Variants in FTO observed in about 807,000 individuals in gnomAD.
The protein encoded by FTO is FTO alpha-ketoglutarate dependent dioxygenase, also known as alpha-ketoglutarate-dependent dioxygenase FTO.
In FTO, 47 loss-of-function variants were observed where a neutral mutation model predicts 63.9. That is an observed-to-expected ratio of 0.74 (90% confidence interval 0.58 to 0.94). The LOEUF is 0.94. FTO is among the 40% of genes least tolerant of loss of function. The probability of loss-of-function intolerance (pLI) is 0.00; values close to 1 mark genes in which losing one functional copy is unlikely to be tolerated. For synonymous variants in FTO, 207 were observed against 224.4 expected, an observed-to-expected ratio of 0.92 and a Z score of 0.69; for missense variants, 562 against 618.1, an observed-to-expected ratio of 0.91 and a Z score of 0.96.
At chr16:53,834,729 T>C (rs1012959579) in intron 3 of FTO, among the ~76,000 whole-genome samples, 1 of 152,238 alleles carries the variant, frequency 6.6e-6, no homozygotes, top group African/African-American at 2.4e-5. Flanking sequence ...TTACACCTTT[T>C]CTTCCCATTT....
intron 4 of FTO, among the ~76,000 whole-genome samples, chr16:53,845,607 G>A (rs2079596648): frequency 6.6e-6 from 1 of 152,128 alleles, no homozygotes; most frequent in South Asian, 2.1e-4. Flanking sequence ...TATCTTAAAT[G>A]GGAATCCAGT....
intron 1 of FTO, among the ~76,000 whole-genome samples, chr16:53,743,133 C>T (rs977073426): frequency 3.9e-5 from 6 of 152,166 alleles, no homozygotes; most frequent in Admixed American, 1.3e-4. Flanking sequence ...CTTGAATTTT[C>T]GTTAGCCTAA....
intron 3 of FTO, among the ~76,000 whole-genome samples, chr16:53,833,435 T>C (rs942733080): frequency 6.6e-6 from 1 of 152,246 alleles, no homozygotes; most frequent in African/African-American, 2.4e-5. Context: ...ATTTTGTTGA[T>C]TGATTCATCC....
chr16:54,074,913 AGAGAGTGTGTGTGTGT>A (rs71146724), intron 8 of FTO, among the ~76,000 whole-genome samples: 149 of 125,160 alleles, frequency 1.2e-3, no homozygotes, highest in Non-Finnish European at 1.6e-3. Flanking sequence ...AGAGAGAGAG[AGAGAGTGTGTGTGTGT>A]GTGTGTGTGT....
chr16:54,100,226 C>G (rs1408125716), intron 8 of FTO, among the ~76,000 whole-genome samples: 1 of 152,166 alleles, frequency 6.6e-6, no homozygotes, highest in African/African-American at 2.4e-5. Flanking sequence ...TGACCCTATC[C>G]CTTGTTTGGC....
chr16:53,809,706 C>T (rs1238580578), intron 1 of FTO, among the ~76,000 whole-genome samples: 3 of 152,034 alleles, frequency 2.0e-5, no homozygotes, highest in Non-Finnish European at 2.9e-5. Flanking sequence ...CTGTAGGAGG[C>T]CAAGGTGGGA....
chr16:54,084,297 T>A (rs1280935145), intron 8 of FTO, among the ~76,000 whole-genome samples: 1 of 152,236 alleles, frequency 6.6e-6, no homozygotes, highest in African/African-American at 2.4e-5. Flanking sequence ...TGACAAATGT[T>A]ACTCCCCTTC....
intron 2 of FTO, among the ~76,000 whole-genome samples, chr16:53,824,073 T>A (rs1443232088): frequency 6.6e-6 from 1 of 152,230 alleles, no homozygotes; most frequent in African/African-American, 2.4e-5. Flanking sequence ...CGCTCACATG[T>A]GCCTCTTTCC....
chr16:53,718,286 T>C (rs2075945647), intron 1 of FTO, among the ~76,000 whole-genome samples: 1 of 152,252 alleles, frequency 6.6e-6, no homozygotes, highest in Non-Finnish European at 1.5e-5. Context: ...TTTTGGTTAC[T>C]ATTGAAAATG....
intron 8 of FTO, among the ~76,000 whole-genome samples, chr16:54,041,680 T>G (rs1317485319): frequency 2.0e-5 from 3 of 152,254 alleles, no homozygotes; most frequent in Admixed American, 1.3e-4. Flanking sequence ...GGGCTTGTGA[T>G]TCCCAGGATG....
chr16:54,069,796 C>T (rs1436743115), intron 8 of FTO: 2 of 152,150 alleles, frequency 1.3e-5, no homozygotes, highest in Non-Finnish European at 2.9e-5. Flanking sequence ...TCACTCCTAT[C>T]ATTGTGCACC....
At chr16:53,987,977 G>A (rs1368627361) in intron 8 of FTO, among the ~76,000 whole-genome samples, 3 of 152,134 alleles carry the variant, frequency 2.0e-5, no homozygotes, top group East Asian at 1.9e-4. Context: ...CCACATTTTT[G>A]TGTGTACAAT....
intron 8 of FTO, among the ~76,000 whole-genome samples, chr16:53,986,360 C>T (rs1352478119): frequency 6.6e-6 from 1 of 152,164 alleles, no homozygotes; most frequent in African/African-American, 2.4e-5. Flanking sequence ...TCCTGTTCAA[C>T]CATCTCGGAA....
chr16:53,752,239 C>T (rs887177404), intron 1 of FTO, among the ~76,000 whole-genome samples: 15 of 152,038 alleles, frequency 9.9e-5, no homozygotes, highest in Admixed American at 6.5e-4. Flanking sequence ...TGCATATAGA[C>T]AGAATATGTT....
At chr16:54,017,447 G>A in intron 8 of FTO, among the ~76,000 whole-genome samples, 1 of 116,108 alleles carries the variant, frequency 8.6e-6, no homozygotes, top group Non-Finnish European at 1.9e-5. Context: ...ATTAGAAGGA[G>A]CATCTATGTC....
chr16:53,889,070 T>G, intron 7 of FTO, 119 bp downstream of exon 7: 1 of 1,235,182 alleles, frequency 8.1e-7, no homozygotes, highest in South Asian at 1.2e-5. Flanking sequence ...AGTTAGATTC[T>G]TCTTGGTAAG....
chr16:53,906,847 G>C (rs145010893), intron 7 of FTO, among the ~76,000 whole-genome samples: 8 of 152,206 alleles, frequency 5.3e-5, no homozygotes, highest in African/African-American at 1.9e-4. Context: ...CCACATCCAG[G>C]TCTTCATGCC....
chr16:53,759,877 G>T (rs2077013363), intron 1 of FTO, among the ~76,000 whole-genome samples: 1 of 146,956 alleles, frequency 6.8e-6, no homozygotes, highest in South Asian at 2.1e-4. Flanking sequence ...AAGATTCTAA[G>T]AGCTCTCATT....
chr16:53,954,712 C>T (rs961895489), intron 8 of FTO, among the ~76,000 whole-genome samples: 8 of 151,940 alleles, frequency 5.3e-5, no homozygotes, highest in African/African-American at 1.7e-4. Context: ...CACCTTGGCC[C>T]CTCTTTAGCT....
Sources: gnomAD v4.1 joint callset for allele counts (sites outside exome capture counted in the v4.1 genomes callset) on GRCh38, gnomAD v4.1.1 for gene constraint, MANE v1.5 for transcripts, NCBI Gene and HGNC (gene_info 2026-07-23, HGNC 2026-07-21) for gene names.